The following ZSCAN25 variants were observed in gnomAD, a reference collection of about 807,000 sequenced individuals.
ZSCAN25 encodes zinc finger and SCAN domain containing 25, also known as zinc finger and SCAN domain-containing protein 25.
In ZSCAN25, 27 loss-of-function variants were observed where a neutral mutation model predicts 38.7. The observed-to-expected ratio is 0.70, with a 90% CI of 0.51 to 0.96. The LOEUF is 0.96. Ranked by LOEUF, ZSCAN25 falls within the 40% of genes least tolerant of loss-of-function variation. The probability of loss-of-function intolerance (pLI) is 0.00; values close to 1 mark genes in which losing one functional copy is unlikely to be tolerated. For synonymous variants in ZSCAN25, 273 were observed against 277.7 expected (o/e 0.98, Z 0.17); for missense variants, 637 against 705.9 (o/e 0.90, Z 1.11).
the ZSCAN25 span, chr7:99,650,380 C>G: frequency 1.4e-6 from 1 of 716,068 alleles, no homozygotes; most frequent in African/African-American, 1.8e-5. Context: ...TGAAATCCTG[C>G]TTTGGTTATT....
chr7:99,685,275 A>C, the ZSCAN25 span: 1 of 1,611,740 alleles, frequency 6.2e-7, no homozygotes, highest in East Asian at 2.2e-5. Flanking sequence ...GCATTAAATA[A>C]AGCAAAATTA....
the ZSCAN25 span, chr7:99,648,521 A>G: frequency 3.0e-6 from 2 of 674,156 alleles, no homozygotes; most frequent in Non-Finnish European, 4.9e-6. Flanking sequence ...GACTCTTAAC[A>G]CCATGTATCT....
chr7:99,687,430 A>C, the ZSCAN25 span, among the ~76,000 whole-genome samples: 1 of 152,234 alleles, frequency 6.6e-6, no homozygotes, highest in Non-Finnish European at 1.5e-5. Flanking sequence ...CAGTGATGGA[A>C]GATCAAATGA....
In ZSCAN25 at chr7:99,630,070, C is replaced by T. The variant is rs754689243; in HGVS notation, c.*50C>T. On this transcript the variant is annotated 3_prime_UTR_variant, in exon 8 of 8. Transcript: ENST00000394152. Reference sequence around the variant, plus strand: ...ATCATTCATCTTTCTCACTGCAGGGCCTTGCGGGGTGCAAGGTGATGGCTG... The same window carrying T: ...ATCATTCATCTTTCTCACTGCAGGGTCTTGCGGGGTGCAAGGTGATGGCTG... 75 of 1,463,424 alleles carry T rather than the reference C, an allele frequency of 5.1e-5. No individual in the cohort carries two copies. The highest frequency in any genetic ancestry group is 6.3e-5 in the Non-Finnish European group (70 of 1,107,046). The allele number at this position is 1,463,424 out of a possible 1,614,324, so 90.7% of individuals were successfully genotyped here. A position where few individuals can be genotyped will look rare whatever the true frequency, so the allele number is the denominator to read the frequency against.
the ZSCAN25 span, among the ~76,000 whole-genome samples, chr7:99,647,039 T>C: frequency 5.4e-3 from 830 of 152,348 alleles, 6 homozygotes; most frequent in African/African-American, 0.019. Context: ...TCTGCAAAAG[T>C]GACACACCTA....
chr7:99,734,914 G>T, the ZSCAN25 span: 3 of 1,549,088 alleles, frequency 1.9e-6, no homozygotes, highest in Non-Finnish European at 2.7e-6. Context: ...AGCCACCACG[G>T]CCAGCCTGAA....
the ZSCAN25 span, among the ~76,000 whole-genome samples, chr7:99,678,808 C>G: frequency 1.3e-5 from 2 of 152,184 alleles, no homozygotes; most frequent in African/African-American, 4.8e-5. Flanking sequence ...TGTCTATTTT[C>G]ATGTCATTGT....
chr7:99,734,623 T>TC, the ZSCAN25 span, among the ~76,000 whole-genome samples: 1 of 151,472 alleles, frequency 6.6e-6, no homozygotes, highest in South Asian at 2.1e-4. Flanking sequence ...TTCTTTTTTT[T>TC]CTCTTTTTTT....
rs528045133 is a variant in ZSCAN25 at position 99,622,227 on chromosome 7, C to T, written c.590-322C>T. On this transcript the variant is annotated intron_variant, in intron 5 of 7. Coordinates refer to ENST00000394152, the MANE Select transcript of ZSCAN25 (RefSeq NM_145115.3). ...GGCATGAGCCACCGCGCCCAGCCCA[C>T]GTAGCTTTATTTTGTTATTGAATCT... 1.7e-4 allele frequency: 56 copies of T among 323,932 alleles called. 1 individual carries two copies. Among genetic ancestry groups the T allele is most frequent in the South Asian group, 7.8e-4 (26 of 33,180 alleles). 20.1% of individuals were successfully genotyped at this position (323,932 alleles called of 1,614,324 possible). A position where few individuals can be genotyped will look rare whatever the true frequency, so the allele number is the denominator to read the frequency against.
the ZSCAN25 span, chr7:99,647,853 T>G: frequency 2.5e-5 from 25 of 985,160 alleles, no homozygotes; most frequent in Middle Eastern, 1.5e-3. Context: ...ATAATATTTT[T>G]GTAAAGGGGA....
the ZSCAN25 span, among the ~76,000 whole-genome samples, chr7:99,641,055 G>A: frequency 6.6e-6 from 1 of 152,188 alleles, no homozygotes; most frequent in African/African-American, 2.4e-5. Context: ...TCAGAAGGTG[G>A]TAGGAGAGCT....
chr7:99,673,037 T>C, the ZSCAN25 span: 1 of 275,290 alleles, frequency 3.6e-6, no homozygotes. Context: ...TTTATATGTT[T>C]AAAATACTTC....
the ZSCAN25 span, chr7:99,638,165 G>A: frequency 7.7e-7 from 1 of 1,300,374 alleles, no homozygotes; most frequent in Non-Finnish European, 1.0e-6. Flanking sequence ...GCAATTGAAA[G>A]AGGAGATGGT....
At chr7:99,663,223 G>T in the ZSCAN25 span, 2 of 1,064,678 alleles carry the variant, frequency 1.9e-6, no homozygotes, top group Admixed American at 9.6e-5. Context: ...AGAAGTACTG[G>T]ATCTTTTATT....
the ZSCAN25 span, chr7:99,671,230 C>A: frequency 3.3e-5 from 5 of 153,656 alleles, no homozygotes; most frequent in Non-Finnish European, 5.7e-5. Flanking sequence ...AGATTGGACA[C>A]CTCTGCTTTA....
Position 99,631,213 on chromosome 7 carries a change from G to C in ZSCAN25, c.*1193G>C. ...GAAATGCATTTGTCACCTACCTCTT[G>C]TTACTAAATGGTCTCTGCCCTCCAG... is the stretch of plus-strand genomic sequence containing the variant. On this transcript the variant is annotated 3_prime_UTR_variant, in exon 8 of 8. Coordinates refer to ENST00000394152, the MANE Select transcript of ZSCAN25 (RefSeq NM_145115.3). 5 of 985,358 alleles carry C rather than the reference G, an allele frequency of 5.1e-6. No individual in the cohort carries two copies. The highest frequency in any genetic ancestry group is 6.0e-6 in the Non-Finnish European group (5 of 829,926). 61.0% of individuals were successfully genotyped at this position (985,358 alleles called of 1,614,324 possible).
the ZSCAN25 span, among the ~76,000 whole-genome samples, chr7:99,724,603 C>A: frequency 6.6e-6 from 1 of 152,078 alleles, no homozygotes; most frequent in Admixed American, 6.5e-5. Flanking sequence ...GGTCCCAATT[C>A]TTCCTCATCC....
At chr7:99,730,747 C>A in the ZSCAN25 span, 1 of 329,146 alleles carries the variant, frequency 3.0e-6, no homozygotes. Context: ...GCTGTACCTT[C>A]CTGGGAACCT....
the ZSCAN25 span, among the ~76,000 whole-genome samples, chr7:99,657,526 G>C: frequency 6.6e-6 from 1 of 152,324 alleles, no homozygotes; most frequent in South Asian, 2.1e-4. Flanking sequence ...TTTGGAATAG[G>C]TGTGGTGTGG....
Sources: gnomAD v4.1 joint callset for allele counts (sites outside exome capture counted in the v4.1 genomes callset) on GRCh38, gnomAD v4.1.1 for gene constraint, MANE v1.5 for transcripts, NCBI Gene and HGNC (gene_info 2026-07-23, HGNC 2026-07-21) for gene names.